Variants in SORL1 observed in about 807,000 individuals in gnomAD.
SORL1 encodes sortilin-related receptor.
A neutral mutation model predicts 273.7 loss-of-function variants in SORL1; 127 were observed. The observed-to-expected ratio is 0.46, with a 90% CI of 0.40 to 0.54. The LOEUF (loss-of-function observed/expected upper bound fraction) is 0.54. Ranked by LOEUF, SORL1 falls within the 20% of genes least tolerant of loss-of-function variation. The pLI, the probability that SORL1 is intolerant of heterozygous loss-of-function variation, is 0.00. For missense variants in SORL1, 2,494 were observed against 2,846.1 expected, an observed-to-expected ratio of 0.88 and a Z score of 2.81; for synonymous variants, 1,031 against 1,067.4, an observed-to-expected ratio of 0.97 and a Z score of 0.66.
rs889498036 is a variant in SORL1, at chr11:121,631,678, C to T, written c.*2115C>T. On this transcript the variant is annotated 3_prime_UTR_variant, in exon 48 of 48. Transcript: ENST00000260197. ...TCCAGTTGGCAGCTTGAGATATTTC[C>T]GAGCATCCGGTTCTAGCTACCAGTG... 1.7e-4 allele frequency: 26 copies of T among 152,220 alleles called. 1 individual carries two copies. The highest frequency in any genetic ancestry group is 5.8e-4 in the East Asian group (3 of 5,190). The allele number at this position is 152,220 out of a possible 1,614,324, so 9.4% of individuals were successfully genotyped here.
intron 3 of SORL1, among the ~76,000 whole-genome samples, chr11:121,487,325 C>T (rs908594479): frequency 3.3e-5 from 5 of 152,212 alleles, no homozygotes; most frequent in Non-Finnish European, 7.3e-5. Flanking sequence ...TTGCCTGGAT[C>T]CTTCTCCCCA....
At chr11:121,510,560 T>G (rs1242305660) in intron 6 of SORL1, among the ~76,000 whole-genome samples, 1 of 152,222 alleles carries the variant, frequency 6.6e-6, no homozygotes. Context: ...TCCCACCAAT[T>G]CTGTCTGTTT....
intron 8 of SORL1, among the ~76,000 whole-genome samples, chr11:121,516,327 A>G (rs1285574013): frequency 1.3e-5 from 2 of 152,212 alleles, no homozygotes; most frequent in South Asian, 2.1e-4. Context: ...AGTAGAGCCA[A>G]TGGGATTTGT....
chr11:121,569,465 C>T (rs1314340689), intron 22 of SORL1, among the ~76,000 whole-genome samples: 2 of 152,312 alleles, frequency 1.3e-5, no homozygotes, highest in African/African-American at 4.8e-5. Flanking sequence ...AGGAACATCC[C>T]TGAGAAAGAG....
At chr11:121,502,511 C>T (rs1861727189) in intron 6 of SORL1, among the ~76,000 whole-genome samples, 1 of 152,144 alleles carries the variant, frequency 6.6e-6, no homozygotes, top group Admixed American at 6.5e-5. Context: ...ATATTCCCAC[C>T]AGAAATGTAT....
rs145753850 is a variant in SORL1 at position 121,493,802 on chromosome 11, A to G, written c.759-3067A>G. On this transcript the variant is annotated intron_variant, in intron 5 of 47. Transcript: ENST00000260197. ...TTCTTTTAGTTCTCCATGTAAAGTG[A>G]AATGTCTTTTAGTTGGTATTGCTTC... 5.5e-3 allele frequency among the ~76,000 whole-genome samples: 833 copies of G among 152,262 alleles called. 7 individuals carry two copies. The highest frequency in any genetic ancestry group is 0.019 in the African/African-American group (802 of 41,542).
chr11:121,466,496 C>A (rs1241064208), intron 1 of SORL1, among the ~76,000 whole-genome samples: 1 of 152,152 alleles, frequency 6.6e-6, no homozygotes, highest in Non-Finnish European at 1.5e-5. Flanking sequence ...GGTGTCTTGG[C>A]CACATGCCAT....
intron 6 of SORL1, among the ~76,000 whole-genome samples, chr11:121,499,396 C>G (rs548030911): frequency 1.3e-5 from 2 of 152,256 alleles, no homozygotes; most frequent in South Asian, 4.2e-4. Flanking sequence ...GTACCCACGT[C>G]AGCATCAGGC....
intron 5 of SORL1, among the ~76,000 whole-genome samples, chr11:121,495,515 A>G (rs1388487428): frequency 6.6e-6 from 1 of 152,212 alleles, no homozygotes; most frequent in Non-Finnish European, 1.5e-5. Flanking sequence ...TCTGAGAGCC[A>G]TCATGCATAT....
intron 34 of SORL1, 60 bp from the exon 35 acceptor site, chr11:121,605,342 G>A (rs2134923222): frequency 6.3e-7 from 1 of 1,581,442 alleles, no homozygotes; most frequent in South Asian, 1.2e-5. Flanking sequence ...AACGGAGTCA[G>A]ACATCTCAGC....
chr11:121,522,472 C>A, intron 9 of SORL1, 114 bp from the exon 10 acceptor site: 2 of 775,372 alleles, frequency 2.6e-6, no homozygotes, highest in Non-Finnish European at 2.2e-6. Context: ...TTCCCCTGGG[C>A]CAGGCCTCCT....
intron 8 of SORL1, among the ~76,000 whole-genome samples, chr11:121,519,315 T>C (rs1344526504): frequency 2.6e-5 from 4 of 152,146 alleles, no homozygotes; most frequent in Admixed American, 6.6e-5. Context: ...CTATTTGTAA[T>C]GCGTGTATCA....
intron 5 of SORL1, among the ~76,000 whole-genome samples, chr11:121,491,981 A>G (rs1861561470): frequency 6.6e-6 from 1 of 152,066 alleles, no homozygotes. Context: ...CTTACTGCTT[A>G]CTCCCTTACC....
chr11:121,577,509 T>G, intron 25 of SORL1, 109 bp downstream of exon 25: 1 of 1,233,820 alleles, frequency 8.1e-7, no homozygotes, highest in Non-Finnish European at 1.1e-6. Flanking sequence ...GCTTGGACCT[T>G]AGAAATCAGC....
chr11:121,461,180 T>TAA (rs11453033), intron 1 of SORL1, among the ~76,000 whole-genome samples: 53 of 147,470 alleles, frequency 3.6e-4, no homozygotes, highest in East Asian at 1.8e-3. Context: ...ACTGAGTGGT[T>TAA]AAAAAAAAAA....
At chr11:121,455,106 G>C (rs868646128) in intron 1 of SORL1, among the ~76,000 whole-genome samples, 10 of 152,130 alleles carry the variant, frequency 6.6e-5, no homozygotes, top group Non-Finnish European at 1.5e-4. Flanking sequence ...TGGAGGTGCA[G>C]TGAGCTGGGG....
At chr11:121,464,142 C>T (rs979214595) in intron 1 of SORL1, among the ~76,000 whole-genome samples, 7 of 152,132 alleles carry the variant, frequency 4.6e-5, no homozygotes, top group African/African-American at 1.4e-4. Flanking sequence ...CCTTGTACTG[C>T]GTTTTGGGAG....
chr11:121,591,113 A>G lies in SORL1; in HGVS notation c.4326A>G (p.Arg1442=). The change falls in exon 31 of 48, where the codon CGA becomes CGG. Residue 1442 remains arginine, a synonymous_variant. Transcript: ENST00000260197. ...ACACCTGGGTGTGCGACGGGTACCG[A>G]GATTGTGCAGATGGCTCTGACGAGG... The part of the protein sequence containing the change: ...VMDTWVCDGY[R]DCADGSDEEA... 6.2e-7 allele frequency: 1 copy of G among 1,614,014 alleles called. No individual in the cohort carries two copies. Among genetic ancestry groups the G allele is most frequent in the South Asian group, 1.1e-5 (1 of 91,072 alleles).
At chr11:121,518,898 G>A (rs952201920) in intron 8 of SORL1, among the ~76,000 whole-genome samples, 2 of 151,932 alleles carry the variant, frequency 1.3e-5, no homozygotes, top group Admixed American at 6.6e-5. Flanking sequence ...TTGTGTAGCC[G>A]GTGGCTTAGA....
Sources: gnomAD v4.1 joint callset for allele counts (sites outside exome capture counted in the v4.1 genomes callset) on GRCh38, gnomAD v4.1.1 for gene constraint, MANE v1.5 for transcripts, NCBI Gene and HGNC (gene_info 2026-07-23, HGNC 2026-07-21) for gene names.